EYS: variants seen among roughly 807,000 people sequenced by gnomAD.
EYS encodes the protein protein eyes shut homolog.
Under a neutral mutation model 282.1 loss-of-function variants are expected in EYS, and 250 were observed. The observed-to-expected ratio is 0.89, with a 90% confidence interval of 0.80 to 0.98. EYS has a LOEUF of 0.98. Among genes scored for constraint, EYS ranks in the 50% least tolerant of loss-of-function variants. EYS has a pLI of 0.00. For missense variants in EYS, 4,016 were observed against 3,709.0 expected, an observed-to-expected ratio of 1.08 and a Z score of -2.15; for synonymous variants, 1,355 against 1,282.9, an observed-to-expected ratio of 1.06 and a Z score of -1.20.
intron 35 of EYS, among the ~76,000 whole-genome samples, chr6:63,908,275 C>T (rs1373601077): frequency 6.6e-6 from 1 of 151,360 alleles, no homozygotes; most frequent in African/African-American, 2.4e-5. Context: ...CCATCTTATA[C>T]AGTTAGAATG....
chr6:64,358,492 A>G (rs919118461), intron 29 of EYS, among the ~76,000 whole-genome samples: 2 of 151,604 alleles, frequency 1.3e-5, no homozygotes, highest in Non-Finnish European at 3.0e-5. Flanking sequence ...TTCCAGTACA[A>G]GAATATTCAA....
chr6:64,900,702 A>G (rs1767627089), intron 18 of EYS, among the ~76,000 whole-genome samples: 1 of 152,212 alleles, frequency 6.6e-6, no homozygotes, highest in South Asian at 2.1e-4. Context: ...TGCCAGTTAG[A>G]ATGGCGATCA....
At chr6:64,451,809 A>AC (rs1442238075) in intron 26 of EYS, among the ~76,000 whole-genome samples, 68 of 152,188 alleles carry the variant, frequency 4.5e-4, no homozygotes, top group Admixed American at 7.2e-4. Context: ...AAATTGAACA[A>AC]CCTTCATGCT....
intron 35 of EYS, among the ~76,000 whole-genome samples, chr6:63,941,651 A>G (rs546162352): frequency 6.6e-6 from 1 of 152,334 alleles, no homozygotes; most frequent in Admixed American, 6.5e-5. Flanking sequence ...AAGGACACTT[A>G]TTAGTAAGGA....
chr6:64,858,121 A>G (rs1766124073), intron 19 of EYS, among the ~76,000 whole-genome samples: 1 of 151,930 alleles, frequency 6.6e-6, no homozygotes, highest in Non-Finnish European at 1.5e-5. Flanking sequence ...ATTTGTTTAT[A>G]TTTGCTTTTG....
At chr6:64,681,664 C>CGG (rs1048559094) in intron 22 of EYS, among the ~76,000 whole-genome samples, 2 of 152,026 alleles carry the variant, frequency 1.3e-5, no homozygotes, top group African/African-American at 4.8e-5. Context: ...GAGGCTGAGG[C>CGG]GGGCGCATCA....
chr6:64,047,146 A>G (rs1037148253), intron 33 of EYS, among the ~76,000 whole-genome samples: 19 of 151,864 alleles, frequency 1.3e-4, no homozygotes, highest in East Asian at 3.9e-4. Context: ...ATGTTTTTCA[A>G]TTCCCATCTC....
intron 7 of EYS, among the ~76,000 whole-genome samples, chr6:65,399,184 G>A (rs768742163): frequency 1.3e-5 from 2 of 151,968 alleles, no homozygotes; most frequent in African/African-American, 4.8e-5. Context: ...AGCAGTATCT[G>A]CCTACTGGAA....
chr6:65,640,602 AT>A (rs1204414109), intron 1 of EYS, among the ~76,000 whole-genome samples: 1 of 151,978 alleles, frequency 6.6e-6, no homozygotes, highest in Non-Finnish European at 1.5e-5. Context: ...TTTTGCTGTT[AT>A]TGTTCTTTCT....
intron 5 of EYS, among the ~76,000 whole-genome samples, chr6:65,457,148 T>C (rs1451637094): frequency 6.6e-6 from 1 of 151,926 alleles, no homozygotes; most frequent in Admixed American, 6.6e-5. Context: ...TTTGTTGTTG[T>C]TGTTGTTGTT....
At chr6:64,696,295 C>T (rs1214303046) in intron 22 of EYS, among the ~76,000 whole-genome samples, 1 of 152,092 alleles carries the variant, frequency 6.6e-6, no homozygotes, top group African/African-American at 2.4e-5. Flanking sequence ...AGTCTTTTGA[C>T]TTTATCCAAT....
intron 34 of EYS, among the ~76,000 whole-genome samples, chr6:63,987,041 T>G (rs1767400533): frequency 6.6e-6 from 1 of 151,716 alleles, no homozygotes; most frequent in Non-Finnish European, 1.5e-5. Context: ...TGATCTACCT[T>G]TATTTGATCA....
chr6:64,480,599 T>G (rs1776410521), intron 26 of EYS, among the ~76,000 whole-genome samples: 1 of 151,800 alleles, frequency 6.6e-6, no homozygotes, highest in Non-Finnish European at 1.5e-5. Flanking sequence ...CATTGATTAG[T>G]AAGAAGCAAA....
chr6:64,989,623 T>C lies in EYS; in HGVS notation c.2259+7959A>G, dbSNP rs546902805. Among the ~76,000 whole-genome samples, 6 of 141,582 alleles carry C rather than the reference T, an allele frequency of 4.2e-5. No individual in the cohort carries two copies. In the South Asian group the frequency reaches 6.4e-4, roughly 15 times the overall value. The allele number at this position is 141,582 out of a possible 152,430, so 92.9% of individuals were successfully genotyped here. A position where few individuals can be genotyped will look rare whatever the true frequency, so the allele number is the denominator to read the frequency against. On this transcript the variant is annotated intron_variant, in intron 14 of 42. Coordinates refer to ENST00000503581, the MANE Select transcript of EYS (RefSeq NM_001142800.2). Reference sequence around the variant, plus strand: ...TAATTTAAATTAAATAAATATAAATTAAATATAAATTAAATACATAATTAT... The same window carrying C: ...TAATTTAAATTAAATAAATATAAATCAAATATAAATTAAATACATAATTAT...
intron 36 of EYS, among the ~76,000 whole-genome samples, chr6:63,824,904 T>C (rs1582244938): frequency 6.6e-6 from 1 of 152,314 alleles, no homozygotes; most frequent in Non-Finnish European, 1.5e-5. Flanking sequence ...AGAAGCCTCC[T>C]GGCCAGAACT....
chr6:63,924,195 G>T (rs1764650369), intron 35 of EYS, among the ~76,000 whole-genome samples: 1 of 152,112 alleles, frequency 6.6e-6, no homozygotes, highest in African/African-American at 2.4e-5. Context: ...TGGGTCTTAT[G>T]CTACAGTTTC....
chr6:64,896,518 G>A (rs1767472717), intron 18 of EYS, among the ~76,000 whole-genome samples: 1 of 151,274 alleles, frequency 6.6e-6, no homozygotes, highest in African/African-American at 2.4e-5. Flanking sequence ...CGTTTGGGCA[G>A]ACATTGAGCT....
chr6:64,321,180 CT>C (rs1333883971), intron 29 of EYS, among the ~76,000 whole-genome samples: 2 of 151,644 alleles, frequency 1.3e-5, no homozygotes, highest in East Asian at 1.9e-4. Context: ...ATAAATCCCT[CT>C]TTTTGTTATT....
chr6:64,310,621 A>G (rs1427225189), intron 29 of EYS, among the ~76,000 whole-genome samples: 1 of 152,222 alleles, frequency 6.6e-6, no homozygotes, highest in Non-Finnish European at 1.5e-5. Flanking sequence ...GGATGAGGAA[A>G]AGTAACTAAT....
Sources: allele counts gnomAD v4.1 joint callset (sites outside exome capture counted in the v4.1 genomes callset), GRCh38; gene constraint gnomAD v4.1.1; transcripts MANE v1.5; gene names NCBI Gene and HGNC (gene_info 2026-07-23, HGNC 2026-07-21).